C10orf67: variants seen among roughly 807,000 people sequenced by gnomAD.
The protein encoded by C10orf67 is uncharacterized protein C10orf67, mitochondrial.
Under a neutral mutation model 35.6 loss-of-function variants are expected in C10orf67, and 60 were observed. The ratio of observed to expected loss-of-function variants is 1.68; its 90% CI spans 1.37 to 2.09. The LOEUF (loss-of-function observed/expected upper bound fraction) is 2.09. Ranked by LOEUF, C10orf67 falls within the 30% of genes most tolerant of loss-of-function variation. The pLI is 0.00. For missense variants in C10orf67, 474 were observed against 330.2 expected, an observed-to-expected ratio of 1.44 and a Z score of -3.38; for synonymous variants, 167 against 115.8, an observed-to-expected ratio of 1.44 and a Z score of -2.84.
At chr10:23,207,862 G>T (rs563314508) in intron 15 of C10orf67, among the ~76,000 whole-genome samples, 2 of 152,234 alleles carry the variant, frequency 1.3e-5, no homozygotes, top group South Asian at 4.2e-4. Flanking sequence ...GCACCAAATA[G>T]CTTTGGTATG....
chr10:23,324,549 C>T (rs1845106965), intron 2 of C10orf67, among the ~76,000 whole-genome samples: 1 of 152,190 alleles, frequency 6.6e-6, no homozygotes, highest in Non-Finnish European at 1.5e-5. Flanking sequence ...ATCTTCTCAT[C>T]ACAGCCCCCT....
intron 8 of C10orf67, among the ~76,000 whole-genome samples, chr10:23,278,960 G>A (rs1186570698): frequency 6.6e-6 from 1 of 152,162 alleles, no homozygotes; most frequent in Non-Finnish European, 1.5e-5. Flanking sequence ...GACTTCCTAA[G>A]TGGATTGTGG....
chr10:23,215,562 C>A (rs1841409515), intron 15 of C10orf67, among the ~76,000 whole-genome samples: 1 of 152,004 alleles, frequency 6.6e-6, no homozygotes, highest in Non-Finnish European at 1.5e-5. Flanking sequence ...AAAGTGTAAG[C>A]CACCATGCCC....
At chr10:23,231,574 T>G (rs1841915950) in intron 13 of C10orf67, among the ~76,000 whole-genome samples, 1 of 152,218 alleles carries the variant, frequency 6.6e-6, no homozygotes, top group African/African-American at 2.4e-5. Context: ...CAGTGTATTT[T>G]TTGTTGTTGC....
intron 2 of C10orf67, among the ~76,000 whole-genome samples, chr10:23,330,320 A>G (rs1379408447): frequency 6.6e-6 from 1 of 152,048 alleles, no homozygotes; most frequent in African/African-American, 2.4e-5. Context: ...AATATTAGCC[A>G]GCTGTGGTGG....
chr10:23,250,875 AT>A (rs149188586), intron 10 of C10orf67, among the ~76,000 whole-genome samples, 184 bp from the exon 11 acceptor site: 3,744 of 152,242 alleles, frequency 0.025, 154 homozygotes, highest in African/African-American at 0.085. Context: ...AAGTGGGAGG[AT>A]GGCTTAAGCC....
At chr10:23,208,174 A>C (rs545078727) in intron 15 of C10orf67, among the ~76,000 whole-genome samples, 1 of 152,344 alleles carries the variant, frequency 6.6e-6, no homozygotes, top group Admixed American at 6.5e-5. Flanking sequence ...GAACAGGTGA[A>C]CAATTTGGAG....
intron 3 of C10orf67, among the ~76,000 whole-genome samples, chr10:23,321,357 A>G (rs903097454): frequency 2.6e-5 from 4 of 152,318 alleles, no homozygotes; most frequent in African/African-American, 9.6e-5. Context: ...TAGGCTTTAT[A>G]CTTTTCTAAA....
At chr10:23,209,574 G>A (rs2131707785) in intron 15 of C10orf67, among the ~76,000 whole-genome samples, 1 of 152,294 alleles carries the variant, frequency 6.6e-6, no homozygotes, top group Non-Finnish European at 1.5e-5. Context: ...GGAGAAGGAT[G>A]AAAGAAGAAG....
At chr10:23,310,127 C>T (rs948301802) in intron 4 of C10orf67, among the ~76,000 whole-genome samples, 2 of 152,186 alleles carry the variant, frequency 1.3e-5, no homozygotes, top group Non-Finnish European at 2.9e-5. Context: ...TTTCTAGTCT[C>T]ATAGTTCTCA....
intron 15 of C10orf67, among the ~76,000 whole-genome samples, chr10:23,220,833 T>C (rs985852646): frequency 3.3e-5 from 5 of 152,186 alleles, no homozygotes; most frequent in African/African-American, 4.8e-5. Context: ...TCACAAAGTA[T>C]TTTGTGGTGT....
intron 4 of C10orf67, among the ~76,000 whole-genome samples, chr10:23,310,129 T>C (rs1844441353): frequency 6.6e-6 from 1 of 152,234 alleles, no homozygotes; most frequent in African/African-American, 2.4e-5. Context: ...TCTAGTCTCA[T>C]AGTTCTCACC....
intron 15 of C10orf67, among the ~76,000 whole-genome samples, chr10:23,219,248 T>C (rs1383637509): frequency 6.6e-6 from 1 of 152,198 alleles, no homozygotes; most frequent in Admixed American, 6.5e-5. Flanking sequence ...TAAATTTGGG[T>C]TTCTCCTGTG....
At chr10:23,320,096 A>G (rs1393766935) in intron 4 of C10orf67, among the ~76,000 whole-genome samples, 1 of 152,250 alleles carries the variant, frequency 6.6e-6, no homozygotes, top group Non-Finnish European at 1.5e-5. Flanking sequence ...TAAGGTTGAC[A>G]GTCTGGCATG....
At chr10:23,296,604 T>C (rs926838023) in intron 5 of C10orf67, among the ~76,000 whole-genome samples, 2 of 152,104 alleles carry the variant, frequency 1.3e-5, no homozygotes, top group Non-Finnish European at 2.9e-5. Flanking sequence ...TCCTGCTGAA[T>C]TGGGGTGTAC....
intron 10 of C10orf67, among the ~76,000 whole-genome samples, chr10:23,260,697 G>C (rs996265696): frequency 6.6e-6 from 1 of 152,152 alleles, no homozygotes; most frequent in Admixed American, 6.5e-5. Context: ...TGAAGACTAA[G>C]CTATTTGGTG....
intron 2 of C10orf67, among the ~76,000 whole-genome samples, chr10:23,326,727 T>C (rs1034674002): frequency 6.6e-6 from 1 of 152,148 alleles, no homozygotes; most frequent in African/African-American, 2.4e-5. Context: ...GGTAAACAGT[T>C]ACAAGGTTAT....
intron 7 of C10orf67, among the ~76,000 whole-genome samples, chr10:23,289,024 G>C (rs564867119): frequency 6.6e-6 from 1 of 152,266 alleles, no homozygotes; most frequent in South Asian, 2.1e-4. Flanking sequence ...TGGTAACTGA[G>C]AGCCACAATA....
chr10:23,207,983 A>AC (rs1841202896), intron 15 of C10orf67, among the ~76,000 whole-genome samples: 1 of 151,856 alleles, frequency 6.6e-6, no homozygotes, highest in South Asian at 2.1e-4. Context: ...TCTATTCCCC[A>AC]CCCCCCTCTT....
Sources: allele counts gnomAD v4.1 joint callset (sites outside exome capture counted in the v4.1 genomes callset), GRCh38; gene constraint gnomAD v4.1.1; transcripts MANE v1.5; gene names NCBI Gene and HGNC (gene_info 2026-07-23, HGNC 2026-07-21).